SERPINE2: variants seen among roughly 807,000 people sequenced by gnomAD.
The protein encoded by SERPINE2 is serpin family E member 2.
SERPINE2 carries 14 observed loss-of-function variants against 36.3 expected under a neutral mutation model. The ratio of observed to expected loss-of-function variants is 0.39; its 90% CI spans 0.25 to 0.60. The LOEUF (loss-of-function observed/expected upper bound fraction) is 0.60, where lower values mean the gene tolerates loss of function less well. Ranked by LOEUF, SERPINE2 falls within the 20% of genes least tolerant of loss-of-function variation. The pLI, the probability that SERPINE2 is intolerant of heterozygous loss-of-function variation, is 0.57. For synonymous variants in SERPINE2, 192 were observed against 191.8 expected, an observed-to-expected ratio of 1.00 and a Z score of -0.01; for missense variants, 418 against 499.6, an observed-to-expected ratio of 0.84 and a Z score of 1.56.
chr2:223,985,077 C>G, intron 4 of SERPINE2, 127 bp from the exon 5 acceptor site: 1 of 714,772 alleles, frequency 1.4e-6, no homozygotes, highest in Admixed American at 2.5e-5. Flanking sequence ...CCACAAATAG[C>G]TTCCTTAGAA....
At chr2:224,011,063 C>A (rs554176623) in intron 1 of SERPINE2, among the ~76,000 whole-genome samples, 1 of 152,176 alleles carries the variant, frequency 6.6e-6, no homozygotes, top group African/African-American at 2.4e-5. Context: ...GTGAGTATGT[C>A]CCAGAAAACC....
At chr2:224,012,895 G>A (rs1200935613) in intron 1 of SERPINE2, among the ~76,000 whole-genome samples, 2 of 152,056 alleles carry the variant, frequency 1.3e-5, no homozygotes, top group African/African-American at 4.8e-5. Flanking sequence ...AATAAAAATG[G>A]TATTTACTGG....
At chr2:223,980,920 G>A (rs1445346265) in intron 6 of SERPINE2, 1 of 153,408 alleles carries the variant, frequency 6.5e-6, no homozygotes, top group Non-Finnish European at 1.5e-5. Flanking sequence ...ATGCTAGTAA[G>A]AGAAGAGTGT....
At chr2:224,038,664 C>T (rs1692609031) in intron 1 of SERPINE2, 12 of 698,344 alleles carry the variant, frequency 1.7e-5, no homozygotes, top group Non-Finnish European at 2.8e-5. Flanking sequence ...CCAGTCTCTC[C>T]CCATCCGGCG....
chr2:223,981,140 C>T (rs1040319274), intron 6 of SERPINE2: 1 of 152,110 alleles, frequency 6.6e-6, no homozygotes, highest in African/African-American at 2.4e-5. Context: ...GGAAAATGTG[C>T]TTTTTGTGTC....
chr2:224,010,374 A>G (rs1275995677), intron 1 of SERPINE2: 11 of 985,198 alleles, frequency 1.1e-5, no homozygotes, highest in Admixed American at 6.2e-5. Context: ...TGGCAGCAAC[A>G]TCCAAATGGT....
chr2:224,029,698 TTTTTG>T (rs1466104018), intron 1 of SERPINE2, among the ~76,000 whole-genome samples: 3 of 152,154 alleles, frequency 2.0e-5, no homozygotes, highest in Non-Finnish European at 4.4e-5. Context: ...GTATAGACAT[TTTTTG>T]TTTTGTTTTA....
Position 223,998,296 on chromosome 2 carries a change from C to T in SERPINE2, c.306G>A (p.Lys102=). ...LKKINKAIVS[K]KNKDIVTVAN... is the part of the protein sequence containing the mutation. ...CCACTGTCACAATGTCTTTATTCTT[C>T]TTGGAGACGATGGCCTTGTTGATCT... The change falls in exon 3 of 9, where the codon AAG becomes AAA. Residue 102 remains lysine, a synonymous_variant. Transcript: ENST00000409304. The T allele has an allele frequency of 6.2e-7, 1 of 1,614,184 alleles. No individual in the cohort carries two copies. Among genetic ancestry groups the T allele is most frequent in the Non-Finnish European group, 8.5e-7 (1 of 1,179,984 alleles).
intron 1 of SERPINE2, chr2:224,031,051 G>A (rs1692346202): frequency 2.0e-6 from 2 of 984,836 alleles, no homozygotes; most frequent in Non-Finnish European, 2.4e-6. Flanking sequence ...ACGGCGAGGA[G>A]GTAGTCTTGA....
At chr2:224,000,639 T>G (rs766182414) in intron 2 of SERPINE2, among the ~76,000 whole-genome samples, 11 of 152,148 alleles carry the variant, frequency 7.2e-5, no homozygotes, top group Non-Finnish European at 1.6e-4. Flanking sequence ...ATCTAGGTTT[T>G]AAGCCCCACA....
chr2:223,999,812 C>T lies in SERPINE2; in HGVS notation c.260-1470G>A, dbSNP rs984786995. 6.6e-5 allele frequency among the ~76,000 whole-genome samples: 10 copies of T among 152,192 alleles called. No individual in the cohort carries two copies. The South Asian group carries it at 1.0e-3, about 16-fold the overall frequency. Reference sequence around the variant, plus strand: ...TCCAGTTGCTATTTTGGAACTGTCTCGGCCGACACAGCCTGGATCACACTA... The same window carrying T: ...TCCAGTTGCTATTTTGGAACTGTCTTGGCCGACACAGCCTGGATCACACTA... On this transcript the variant is annotated intron_variant, in intron 2 of 8. Coordinates refer to ENST00000409304, the MANE Select transcript of SERPINE2 (RefSeq NM_001136528.2).
At chr2:224,004,522 T>C (rs1276870044) in intron 1 of SERPINE2, among the ~76,000 whole-genome samples, 1 of 152,200 alleles carries the variant, frequency 6.6e-6, no homozygotes, top group Non-Finnish European at 1.5e-5. Context: ...CACCTAGGAC[T>C]GGCTCTAATG....
intron 1 of SERPINE2, chr2:224,038,460 G>C (rs1306710725): frequency 3.9e-6 from 6 of 1,547,864 alleles, no homozygotes; most frequent in Non-Finnish European, 5.2e-6. Flanking sequence ...ATTCCTTCCA[G>C]AATTTCTGAG....
At chr2:224,037,546 C>T in intron 1 of SERPINE2, among the ~76,000 whole-genome samples, 1 of 152,258 alleles carries the variant, frequency 6.6e-6, no homozygotes, top group African/African-American at 2.4e-5. Flanking sequence ...GACTTTAGGT[C>T]TAGAGGAGGA....
At position 223,977,421 on chromosome 2, in the gene SERPINE2, T is replaced by A. The variant is rs1293465065; in HGVS notation, c.1156+123A>T. On this transcript the variant is annotated intron_variant, in intron 8 of 8. Transcript: ENST00000409304. The stretch of plus-strand genomic sequence containing the variant: ...ACATGGGTGGTTATATTATTCAAAG[T>A]GTCTGCAACTATTGACATTAGGGAA... 12 of 692,826 alleles carry A rather than the reference T, an allele frequency of 1.7e-5. No homozygotes were observed. In the Admixed American group the frequency reaches 2.5e-4, roughly 14 times the overall value. 42.9% of individuals were successfully genotyped at this position (692,826 alleles called of 1,614,324 possible). A position where few individuals can be genotyped will look rare whatever the true frequency, so the allele number is the denominator to read the frequency against.
At chr2:224,027,785 G>A (rs2106198644) in intron 1 of SERPINE2, among the ~76,000 whole-genome samples, 1 of 152,116 alleles carries the variant, frequency 6.6e-6, no homozygotes, top group East Asian at 1.9e-4. Flanking sequence ...TCAAAGATTG[G>A]CCTGTTTTGC....
At chr2:223,993,528 ATATG>A (rs1029196323) in intron 3 of SERPINE2, among the ~76,000 whole-genome samples, 5 of 72,452 alleles carry the variant, frequency 6.9e-5, no homozygotes, top group African/African-American at 1.8e-4. Flanking sequence ...TAGCTCAAAT[ATATG>A]TGTGTGTGTG....
chr2:224,021,834 G>T (rs901157809), intron 1 of SERPINE2, among the ~76,000 whole-genome samples: 54 of 152,194 alleles, frequency 3.5e-4, no homozygotes, highest in African/African-American at 1.3e-3. Context: ...GACCAGCCTG[G>T]CCAACATGGC....
At chr2:224,022,767 C>G (rs1245528089) in intron 1 of SERPINE2, among the ~76,000 whole-genome samples, 1 of 152,160 alleles carries the variant, frequency 6.6e-6, no homozygotes, top group East Asian at 1.9e-4. Flanking sequence ...TTGGCTGTGT[C>G]CCCACCCAAA....
Sources: gnomAD v4.1 joint callset for allele counts (sites outside exome capture counted in the v4.1 genomes callset) on GRCh38, gnomAD v4.1.1 for gene constraint, MANE v1.5 for transcripts, NCBI Gene and HGNC (gene_info 2026-07-23, HGNC 2026-07-21) for gene names.